The following TCF7L1 variants were observed in gnomAD, a reference collection of about 807,000 sequenced individuals.
TCF7L1 encodes the protein transcription factor 7-like 1.
Under a neutral mutation model 63.7 loss-of-function variants are expected in TCF7L1, and 18 were observed. The observed-to-expected ratio is 0.28, with a 90% CI of 0.20 to 0.42. TCF7L1 has a LOEUF of 0.42. Ranked by LOEUF, TCF7L1 falls within the 10% of genes least tolerant of loss-of-function variation. TCF7L1 has a pLI of 1.00. For synonymous variants in TCF7L1, 355 were observed against 340.9 expected (o/e 1.04, Z -0.46); for missense variants, 654 against 779.3 (o/e 0.84, Z 1.91).
chr2:85,266,403 TGA>T (rs1168358191), intron 3 of TCF7L1, among the ~76,000 whole-genome samples: 24 of 152,382 alleles, frequency 1.6e-4, no homozygotes, highest in African/African-American at 5.8e-4. Context: ...ACTGCCAACA[TGA>T]GAGACTAAAA....
At chr2:85,236,766 A>G (rs1053152668) in intron 3 of TCF7L1, among the ~76,000 whole-genome samples, 7 of 152,166 alleles carry the variant, frequency 4.6e-5, no homozygotes, top group Non-Finnish European at 1.0e-4. Flanking sequence ...GCAAAGTAAC[A>G]ATTTCATTTT....
intron 3 of TCF7L1, among the ~76,000 whole-genome samples, chr2:85,158,240 A>G (rs962115404): frequency 2.6e-5 from 4 of 152,118 alleles, no homozygotes; most frequent in African/African-American, 7.2e-5. Flanking sequence ...GCCAAACCCA[A>G]ACGGACTGGT....
At chr2:85,225,268 T>C (rs1409262421) in intron 3 of TCF7L1, among the ~76,000 whole-genome samples, 1 of 152,226 alleles carries the variant, frequency 6.6e-6, no homozygotes, top group Non-Finnish European at 1.5e-5. Flanking sequence ...GCCGGCTCTT[T>C]TGGTTCCATA....
chr2:85,145,426 A>T (rs561828994), intron 3 of TCF7L1, among the ~76,000 whole-genome samples: 1 of 152,252 alleles, frequency 6.6e-6, no homozygotes, highest in African/African-American at 2.4e-5. Flanking sequence ...AATGAGTGGT[A>T]TGAAAAGCAG....
intron 3 of TCF7L1, among the ~76,000 whole-genome samples, chr2:85,173,151 G>T (rs1678592843): frequency 6.6e-6 from 1 of 152,208 alleles, no homozygotes; most frequent in African/African-American, 2.4e-5. Flanking sequence ...CCTTTCAAAA[G>T]GAAAATGAAG....
At chr2:85,282,831 T>C (rs1456069517) in intron 3 of TCF7L1, among the ~76,000 whole-genome samples, 1 of 151,288 alleles carries the variant, frequency 6.6e-6, no homozygotes, top group African/African-American at 2.4e-5. Context: ...TGTGTGTGTG[T>C]GTGTGTGTGT....
intron 3 of TCF7L1, among the ~76,000 whole-genome samples, chr2:85,257,566 AG>A (rs1680746625): frequency 6.6e-6 from 1 of 152,172 alleles, no homozygotes; most frequent in African/African-American, 2.4e-5. Flanking sequence ...AATAGCTCCA[AG>A]GGCCCCCCTT....
At chr2:85,294,092 A>G (rs559379185) in intron 4 of TCF7L1, among the ~76,000 whole-genome samples, 2 of 124,906 alleles carry the variant, frequency 1.6e-5, no homozygotes, top group South Asian at 2.7e-4. Context: ...GCTGGAGTGC[A>G]GTGGCACGAT....
At chr2:85,308,973 G>T in intron 11 of TCF7L1, 56 bp from the exon 12 acceptor site, 1 of 1,520,132 alleles carries the variant, frequency 6.6e-7, no homozygotes. Flanking sequence ...CTGTTCCTCA[G>T]CCTCCTCCTC....
chr2:85,201,518 A>G (rs768742220), intron 3 of TCF7L1, among the ~76,000 whole-genome samples: 1 of 152,236 alleles, frequency 6.6e-6, no homozygotes, highest in Non-Finnish European at 1.5e-5. Flanking sequence ...AATTGTCACA[A>G]ATCTCCAAAA....
chr2:85,221,233 G>A (rs55879203), intron 3 of TCF7L1, among the ~76,000 whole-genome samples: 7,575 of 152,182 alleles, frequency 0.05, 211 homozygotes, highest in African/African-American at 0.055. Context: ...ACAGGGAGCT[G>A]AGTCATTATT....
In TCF7L1 at chr2:85,309,222, A is replaced by G. The variant is rs1198153491; in HGVS notation, c.1527A>G (p.Pro509=). 1.2e-6 allele frequency: 2 copies of G among 1,613,826 alleles called. No homozygotes were observed. The highest frequency in any genetic ancestry group is 1.3e-5 in the African/African-American group (1 of 74,816). The part of the protein sequence containing the change: ...QAQPLSLTTK[P]ETRAQLALHS... Reference sequence around the variant, plus strand: ...AGCCCCTCTCCCTCACCACCAAACCAGAAACCCGGGCCCAGCTGGCTCTCC... The same window carrying G: ...AGCCCCTCTCCCTCACCACCAAACCGGAAACCCGGGCCCAGCTGGCTCTCC... Residue 509 remains proline (P), a synonymous_variant, in exon 12 of 12, where the codon CCA becomes CCG. Coordinates refer to ENST00000282111, the MANE Select transcript of TCF7L1 (RefSeq NM_031283.3).
At chr2:85,287,654 G>C (rs928869454) in intron 4 of TCF7L1, among the ~76,000 whole-genome samples, 1 of 152,186 alleles carries the variant, frequency 6.6e-6, no homozygotes, top group Admixed American at 6.5e-5. Context: ...TAGCAAAGCA[G>C]ACACAGGCCT....
At chr2:85,180,273 A>C (rs1016181278) in intron 3 of TCF7L1, among the ~76,000 whole-genome samples, 2 of 136,328 alleles carry the variant, frequency 1.5e-5, no homozygotes, top group African/African-American at 5.6e-5. Context: ...GCTATGTTGT[A>C]TGTTACCCAG....
At chr2:85,268,586 C>T (rs1681066591) in intron 3 of TCF7L1, among the ~76,000 whole-genome samples, 1 of 148,820 alleles carries the variant, frequency 6.7e-6, no homozygotes, top group African/African-American at 2.5e-5. Context: ...GGATTACAGG[C>T]GCCCGCCACC....
At chr2:85,235,851 G>A (rs1203154200) in intron 3 of TCF7L1, among the ~76,000 whole-genome samples, 1 of 151,966 alleles carries the variant, frequency 6.6e-6, no homozygotes, top group Non-Finnish European at 1.5e-5. Context: ...GGGAAAGTCT[G>A]TCTCTACCAG....
chr2:85,280,168 T>G (rs1265335419), intron 3 of TCF7L1, among the ~76,000 whole-genome samples: 3 of 152,150 alleles, frequency 2.0e-5, no homozygotes, highest in Non-Finnish European at 4.4e-5. Context: ...GGAGGGAAGA[T>G]TCTCTCCCTC....
intron 3 of TCF7L1, among the ~76,000 whole-genome samples, chr2:85,250,198 C>T (rs888328870): frequency 5.9e-5 from 9 of 152,150 alleles, no homozygotes; most frequent in African/African-American, 2.2e-4. Context: ...AATACTCTCC[C>T]TGTGGCTGAT....
chr2:85,264,889 A>G (rs994824069), intron 3 of TCF7L1, among the ~76,000 whole-genome samples: 2 of 152,202 alleles, frequency 1.3e-5, no homozygotes, highest in Non-Finnish European at 2.9e-5. Flanking sequence ...TGTCCAATAA[A>G]CCATCAGGAA....
Sources: allele counts gnomAD v4.1 joint callset (sites outside exome capture counted in the v4.1 genomes callset), GRCh38; gene constraint gnomAD v4.1.1; transcripts MANE v1.5; gene names NCBI Gene and HGNC (gene_info 2026-07-23, HGNC 2026-07-21).